The following VPS37B variants were observed in gnomAD, a reference collection of about 807,000 sequenced individuals.
VPS37B encodes vacuolar protein sorting-associated protein 37B.
VPS37B carries 11 observed loss-of-function variants against 21.2 expected under a neutral mutation model. The ratio of observed to expected loss-of-function variants is 0.52; its 90% CI spans 0.33 to 0.86. The LOEUF is 0.86. Among genes scored for constraint, VPS37B ranks in the 40% least tolerant of loss-of-function variants. The pLI, the probability that VPS37B is intolerant of heterozygous loss-of-function variation, is 0.03. For synonymous variants in VPS37B, 175 were observed against 159.6 expected, an observed-to-expected ratio of 1.10 and a Z score of -0.73; for missense variants, 389 against 374.8, an observed-to-expected ratio of 1.04 and a Z score of -0.31.
intron 1 of VPS37B, chr12:122,876,389 T>A (rs1488852078): frequency 6.6e-6 from 1 of 152,270 alleles, no homozygotes; most frequent in African/African-American, 2.4e-5. Flanking sequence ...CTTGGGATGC[T>A]TACATTAATA....
intron 1 of VPS37B, 199 bp from the exon 2 acceptor site, chr12:122,871,260 A>G (rs186087239): frequency 7.4e-7 from 1 of 1,356,548 alleles, no homozygotes; most frequent in South Asian, 1.8e-5. Flanking sequence ...GCCCGTCGTA[A>G]AGAATGAGGC....
intron 2 of VPS37B, 51 bp downstream of exon 2, chr12:122,870,839 G>T: frequency 2.6e-5 from 39 of 1,501,178 alleles, no homozygotes; most frequent in East Asian, 7.5e-5. Context: ...GCTTGAAAAT[G>T]TGTCCTTCTC....
chr12:122,894,508 C>A (rs914092556), intron 1 of VPS37B, among the ~76,000 whole-genome samples: 5 of 152,156 alleles, frequency 3.3e-5, no homozygotes, highest in Non-Finnish European at 5.9e-5. Context: ...CTGAACAATC[C>A]CTCTTCGGAA....
chr12:122,885,485 T>C (rs2034307922), intron 1 of VPS37B: 1 of 151,952 alleles, frequency 6.6e-6, no homozygotes, highest in Admixed American at 6.6e-5. Flanking sequence ...AGTATAACTT[T>C]AGGTTAAAAT....
chr12:122,868,268 C>T lies in VPS37B; in HGVS notation c.366+212G>A, dbSNP rs1212203822. Reference sequence around the variant, plus strand: ...CGCATGCCCTCTCTTGGCCCTCGCTCGGACCTGCCCTCACTCACCCCGCTG... The same window carrying T: ...CGCATGCCCTCTCTTGGCCCTCGCTTGGACCTGCCCTCACTCACCCCGCTG... On this transcript the variant is annotated intron_variant, in intron 3 of 3. Coordinates refer to ENST00000267202, the MANE Select transcript of VPS37B (RefSeq NM_024667.3). This position sits in a 1 kb window ranked among gnomAD's most constrained non-coding sequence, Gnocchi z 5.5. Among the ~76,000 whole-genome samples, 2 of 152,052 alleles carry T rather than the reference C, an allele frequency of 1.3e-5. No homozygotes were observed. The highest frequency in any genetic ancestry group is 1.5e-5 in the Non-Finnish European group (1 of 67,994).
At chr12:122,893,200 A>T (rs568521637) in intron 1 of VPS37B, among the ~76,000 whole-genome samples, 56 of 152,366 alleles carry the variant, frequency 3.7e-4, no homozygotes, top group African/African-American at 1.3e-3. Flanking sequence ...CAAAAAGAGA[A>T]CTATTAATAT....
chr12:122,882,500 A>G (rs2034259849), intron 1 of VPS37B: 2 of 152,230 alleles, frequency 1.3e-5, no homozygotes, highest in South Asian at 4.1e-4. Flanking sequence ...TCTATAACAC[A>G]AAGAAAAGGA....
chr12:122,890,394 T>A (rs932884047), intron 1 of VPS37B, among the ~76,000 whole-genome samples: 1 of 151,712 alleles, frequency 6.6e-6, no homozygotes, highest in South Asian at 2.1e-4. Context: ...TGCAGTGGCA[T>A]GATCATGGCT....
chr12:122,882,362 C>T (rs1375273059), intron 1 of VPS37B: 1 of 152,174 alleles, frequency 6.6e-6, no homozygotes, highest in African/African-American at 2.4e-5. Context: ...TAAAATATGT[C>T]TAAGACCAAT....
chr12:122,870,705 G>T, intron 2 of VPS37B, 185 bp downstream of exon 2: 1 of 602,160 alleles, frequency 1.7e-6, no homozygotes, highest in Non-Finnish European at 2.7e-6. Flanking sequence ...ACTCCAGTCT[G>T]ACAGAGCAAG....
chr12:122,872,117 C>T (rs1027367725), intron 1 of VPS37B: 3 of 985,378 alleles, frequency 3.0e-6, no homozygotes, highest in Admixed American at 6.2e-5. Flanking sequence ...CTTAGTAGCT[C>T]GAGTATAGAT....
chr12:122,880,744 A>G (rs1199106537), intron 1 of VPS37B: 1 of 152,216 alleles, frequency 6.6e-6, no homozygotes, highest in African/African-American at 2.4e-5. Flanking sequence ...TCTACAGCTC[A>G]TCAGGGCCAC....
rs1000344487 is a variant in VPS37B, at chr12:122,867,910, G to A, written c.367-303C>T. On this transcript the variant is annotated intron_variant, in intron 3 of 3. Coordinates refer to ENST00000267202, the MANE Select transcript of VPS37B (RefSeq NM_024667.3). The surrounding 1 kb of genome is among the most constrained non-coding windows in gnomAD (Gnocchi z 5.5). Reference sequence around the variant, plus strand: ...TGGGTCCCAGGCCTCTCTCGAGCCCGCTGGAGTCCAACACCTCCTTGCTTC... The same window carrying A: ...TGGGTCCCAGGCCTCTCTCGAGCCCACTGGAGTCCAACACCTCCTTGCTTC... Among the ~76,000 whole-genome samples, 4 of 152,124 alleles carry A rather than the reference G, an allele frequency of 2.6e-5. No homozygotes were observed. The highest frequency in any genetic ancestry group is 7.2e-5 in the African/African-American group (3 of 41,390).
rs764528323 is a variant in VPS37B, at chr12:122,866,157, G to C, written c.*959C>G. On this transcript the variant is annotated 3_prime_UTR_variant, in exon 4 of 4. Transcript: ENST00000267202. ...CTTGCCCAGCCCCTAGCAGGTGTGA[G>C]TCCCGGCACCTGGGGAAGCTAAGGC... 3 of 152,686 alleles carry C rather than the reference G, an allele frequency of 2.0e-5. No homozygotes were observed. Among genetic ancestry groups the C allele is most frequent in the Non-Finnish European group, 2.9e-5 (2 of 68,054 alleles). The allele number at this position is 152,686 out of a possible 1,614,324, so 9.5% of individuals were successfully genotyped here.
chr12:122,871,600 T>G, intron 1 of VPS37B: 1 of 985,628 alleles, frequency 1.0e-6, no homozygotes, highest in Non-Finnish European at 1.2e-6. Context: ...GTCTCTCCCA[T>G]GCCCACCCCA....
intron 1 of VPS37B, among the ~76,000 whole-genome samples, chr12:122,894,420 T>TG (rs1368735114): frequency 6.6e-6 from 1 of 152,204 alleles, no homozygotes; most frequent in African/African-American, 2.4e-5. Flanking sequence ...CTCCGGACAA[T>TG]GATCTGTTGA....
intron 1 of VPS37B, among the ~76,000 whole-genome samples, chr12:122,893,918 G>A (rs2135715024): frequency 6.6e-6 from 1 of 151,816 alleles, no homozygotes; most frequent in Admixed American, 6.6e-5. Flanking sequence ...AAACAGGTGA[G>A]GTTGTCCCTA....
At chr12:122,872,907 C>T (rs1489556753) in intron 1 of VPS37B, 1 of 168,150 alleles carries the variant, frequency 5.9e-6, no homozygotes, top group Non-Finnish European at 1.2e-5. Context: ...AATGGTTAAA[C>T]AAGCTGCAGG....
rs534575780 is a variant in VPS37B, at chr12:122,868,877, A to T, written c.284-315T>A. Among the ~76,000 whole-genome samples, 11 of 152,274 alleles carry T rather than the reference A, an allele frequency of 7.2e-5. No individual in the cohort carries two copies. Among genetic ancestry groups the T allele is most frequent in the African/African-American group, 2.6e-4 (11 of 41,540 alleles). On this transcript the variant is annotated intron_variant, in intron 2 of 3. Coordinates refer to ENST00000267202, the MANE Select transcript of VPS37B (RefSeq NM_024667.3). The surrounding 1 kb of genome is among the most constrained non-coding windows in gnomAD (Gnocchi z 5.5). ...CGAGTATACACATCTCAAGTGTGTAAGTCAAATTTCCACGTGTTTAACCGC... is the reference window on the plus strand; with the variant it reads ...CGAGTATACACATCTCAAGTGTGTATGTCAAATTTCCACGTGTTTAACCGC...
Sources: allele counts gnomAD v4.1 joint callset (sites outside exome capture counted in the v4.1 genomes callset), GRCh38; gene constraint gnomAD v4.1.1; non-coding constraint Gnocchi (gnomAD v3.1); transcripts MANE v1.5; gene names NCBI Gene and HGNC (gene_info 2026-07-23, HGNC 2026-07-21).